The following UQCC5 variants were observed in gnomAD, a reference collection of about 807,000 sequenced individuals.
UQCC5 encodes the protein ubiquinol-cytochrome c reductase complex assembly factor 5.
the UQCC5 span, chr3:52,541,453 CTAAT>C: frequency 6.6e-6 from 1 of 152,218 alleles, no homozygotes; most frequent in African/African-American, 2.4e-5. Flanking sequence ...AACATGTCTC[CTAAT>C]TTTTTCTAGA....
At chr3:52,538,929 G>C in the UQCC5 span, among the ~76,000 whole-genome samples, 1 of 152,200 alleles carries the variant, frequency 6.6e-6, no homozygotes, top group Admixed American at 6.5e-5. Flanking sequence ...TAATGATCTA[G>C]AAGGAGAGGG....
the UQCC5 span, chr3:52,540,626 CA>C: frequency 1.6e-6 from 1 of 637,060 alleles, no homozygotes; most frequent in African/African-American, 1.9e-5. Flanking sequence ...ACTGTTTTTG[CA>C]AAGAATTTTT....
At chr3:52,538,053 G>A in the UQCC5 span, among the ~76,000 whole-genome samples, 1 of 152,244 alleles carries the variant, frequency 6.6e-6, no homozygotes, top group African/African-American at 2.4e-5. Flanking sequence ...TTAGGGAGAG[G>A]CTTTAACATG....
chr3:52,536,848 C>T, the UQCC5 span: 1 of 1,551,656 alleles, frequency 6.4e-7, no homozygotes, highest in Non-Finnish European at 8.7e-7. Flanking sequence ...TCTTTTTTGT[C>T]CTGGGAGGAA....
At chr3:52,539,564 G>A in the UQCC5 span, among the ~76,000 whole-genome samples, 1 of 152,158 alleles carries the variant, frequency 6.6e-6, no homozygotes, top group Non-Finnish European at 1.5e-5. Flanking sequence ...TTTGGTGACT[G>A]AAGGGGCATG....
the UQCC5 span, chr3:52,540,646 GTC>G: frequency 3.5e-6 from 2 of 567,936 alleles, no homozygotes; most frequent in East Asian, 3.3e-5. Context: ...TTATAGTTCT[GTC>G]TCTGCTTGAG....
the UQCC5 span, among the ~76,000 whole-genome samples, chr3:52,539,478 A>G: frequency 6.6e-6 from 1 of 152,134 alleles, no homozygotes; most frequent in Non-Finnish European, 1.5e-5. Flanking sequence ...CTGGAGCTTC[A>G]TCCCCATGGG....
chr3:52,537,116 T>G, the UQCC5 span, among the ~76,000 whole-genome samples: 3 of 152,186 alleles, frequency 2.0e-5, no homozygotes, highest in African/African-American at 7.2e-5. Flanking sequence ...TTCCCTGCAC[T>G]TACAGGCGAG....
At chr3:52,537,055 G>A in the UQCC5 span, 2 of 1,114,782 alleles carry the variant, frequency 1.8e-6, no homozygotes, top group Non-Finnish European at 2.5e-6. Flanking sequence ...GGCAGTCAGG[G>A]CGGCCTGGCT....
At chr3:52,537,794 G>A in the UQCC5 span, among the ~76,000 whole-genome samples, 2 of 152,082 alleles carry the variant, frequency 1.3e-5, no homozygotes, top group Non-Finnish European at 2.9e-5. Flanking sequence ...AGATGGTGCA[G>A]GGAAGGCTTC....
the UQCC5 span, among the ~76,000 whole-genome samples, chr3:52,539,638 ATTTTTTT>A: frequency 7.2e-6 from 1 of 139,736 alleles, no homozygotes; most frequent in African/African-American, 2.7e-5. Context: ...AAGGAAGAAG[ATTTTTTT>A]TTTTTTTTTT....
the UQCC5 span, chr3:52,541,490 C>T: frequency 2.0e-5 from 3 of 152,340 alleles, no homozygotes; most frequent in South Asian, 2.1e-4. Flanking sequence ...TTTTAGTCCA[C>T]TTATCTTAGA....
chr3:52,540,891 C>T, the UQCC5 span: 1 of 156,488 alleles, frequency 6.4e-6, no homozygotes, highest in African/African-American at 2.4e-5. Flanking sequence ...TCTCTATTGC[C>T]AGATCATTTA....
At chr3:52,539,712 C>T in the UQCC5 span, among the ~76,000 whole-genome samples, 1 of 150,668 alleles carries the variant, frequency 6.6e-6, no homozygotes, top group African/African-American at 2.4e-5. Flanking sequence ...GATCTTGGCT[C>T]ACTGCAGCCT....
the UQCC5 span, among the ~76,000 whole-genome samples, chr3:52,538,957 T>C: frequency 1.3e-5 from 2 of 152,054 alleles, no homozygotes; most frequent in Non-Finnish European, 2.9e-5. Context: ...AGGCTGGAGA[T>C]ACTGGACCCT....
At chr3:52,540,738 T>C in the UQCC5 span, 1 of 348,120 alleles carries the variant, frequency 2.9e-6, no homozygotes, top group Non-Finnish European at 5.1e-6. Context: ...ATCTAGTCCA[T>C]GAAATATTTC....
At chr3:52,536,697 G>A in the UQCC5 span, 1 of 1,540,720 alleles carries the variant, frequency 6.5e-7, no homozygotes, top group Non-Finnish European at 8.8e-7. Context: ...GGTCTCGGCT[G>A]CGTCCGGGCG....
At chr3:52,536,684 G>A in the UQCC5 span, 1 of 1,532,044 alleles carries the variant, frequency 6.5e-7, no homozygotes, top group Non-Finnish European at 8.8e-7. Context: ...GAACGGGCGG[G>A]GCGGTCTCGG....
At chr3:52,539,415 A>C in the UQCC5 span, among the ~76,000 whole-genome samples, 2 of 152,108 alleles carry the variant, frequency 1.3e-5, no homozygotes, top group Non-Finnish European at 2.9e-5. Flanking sequence ...TATGAACAGA[A>C]ATCCTTCAGA....
Sources: allele counts gnomAD v4.1 joint callset (sites outside exome capture counted in the v4.1 genomes callset), GRCh38; gene constraint gnomAD v4.1.1; transcripts MANE v1.5; gene names NCBI Gene and HGNC (gene_info 2026-07-23, HGNC 2026-07-21).